The following VTI1A variants were observed in gnomAD, a reference collection of about 807,000 sequenced individuals.
VTI1A encodes the protein vesicle transport through interaction with t-SNAREs 1A, also known as vesicle transport through interaction with t-SNAREs homolog 1A.
Under a neutral mutation model 34.9 loss-of-function variants are expected in VTI1A, and 22 were observed. The ratio of observed to expected loss-of-function variants is 0.63; its 90% CI spans 0.45 to 0.90. The LOEUF (loss-of-function observed/expected upper bound fraction) is 0.90, where lower values mean the gene tolerates loss of function less well. Among genes scored for constraint, VTI1A ranks in the 40% least tolerant of loss-of-function variants. The probability of loss-of-function intolerance (pLI) is 0.00; values close to 1 mark genes in which losing one functional copy is unlikely to be tolerated. For synonymous variants in VTI1A, 87 were observed against 97.3 expected, an observed-to-expected ratio of 0.89 and a Z score of 0.62; for missense variants, 268 against 275.6, an observed-to-expected ratio of 0.97 and a Z score of 0.20.
In VTI1A at chr10:112,464,673, C is replaced by T; in HGVS notation, c.264+16C>T. ...AACAGATTTTGTGAGTCAAATTCGA[C>T]CCTTTGTCATATTTACTTTTTTTTA... is the stretch of plus-strand genomic sequence containing the variant. On this transcript the variant is annotated intron_variant, in intron 3 of 7. Coordinates refer to ENST00000393077, the MANE Select transcript of VTI1A (RefSeq NM_145206.4). 6.2e-7 allele frequency: 1 copy of T among 1,601,482 alleles called. No homozygotes were observed.
At chr10:112,766,966 T>G (rs1419692818) in intron 7 of VTI1A, among the ~76,000 whole-genome samples, 1 of 152,216 alleles carries the variant, frequency 6.6e-6, no homozygotes, top group African/African-American at 2.4e-5. Flanking sequence ...GTAGCAATAG[T>G]ACATTCAGGT....
At chr10:112,618,489 T>TTATATATATATATA (rs1209916722) in intron 5 of VTI1A, among the ~76,000 whole-genome samples, 2 of 74,360 alleles carry the variant, frequency 2.7e-5, no homozygotes, top group Non-Finnish European at 4.3e-5. Flanking sequence ...AATGATTATA[T>TTATATATATATATA]TATATATATA....
chr10:112,677,100 T>A (rs1443181789), intron 7 of VTI1A, among the ~76,000 whole-genome samples: 1 of 152,210 alleles, frequency 6.6e-6, no homozygotes, highest in African/African-American at 2.4e-5. Flanking sequence ...TATGATCTGA[T>A]GTTCTAGACA....
chr10:112,761,881 A>G (rs1206607778), intron 7 of VTI1A, among the ~76,000 whole-genome samples: 1 of 151,966 alleles, frequency 6.6e-6, no homozygotes, highest in Non-Finnish European at 1.5e-5. Flanking sequence ...TGTTCTTGCC[A>G]TAAGAAACTA....
chr10:112,537,173 GTTTT>G (rs1349913995), intron 4 of VTI1A, among the ~76,000 whole-genome samples: 4 of 151,368 alleles, frequency 2.6e-5, no homozygotes, highest in Non-Finnish European at 5.9e-5. Context: ...TTGTGGTTGT[GTTTT>G]TTCTTTCTTT....
At chr10:112,565,165 G>C (rs1396146064) in intron 5 of VTI1A, among the ~76,000 whole-genome samples, 4 of 152,022 alleles carry the variant, frequency 2.6e-5, no homozygotes, top group African/African-American at 9.7e-5. Flanking sequence ...AAAACAGTGG[G>C]CCTCTGTTTA....
chr10:112,679,363 G>A (rs895422724), intron 7 of VTI1A, among the ~76,000 whole-genome samples: 3 of 152,240 alleles, frequency 2.0e-5, no homozygotes, highest in Non-Finnish European at 4.4e-5. Flanking sequence ...ACTCAAAAGC[G>A]TAGTTAAAAT....
At chr10:112,510,643 A>G (rs1200351105) in intron 3 of VTI1A, among the ~76,000 whole-genome samples, 3 of 151,858 alleles carry the variant, frequency 2.0e-5, no homozygotes, top group African/African-American at 7.3e-5. Context: ...CAAAAAAACC[A>G]CCACCACCAC....
intron 5 of VTI1A, among the ~76,000 whole-genome samples, chr10:112,593,737 A>C (rs1273266786): frequency 6.6e-6 from 1 of 151,166 alleles, no homozygotes; most frequent in Non-Finnish European, 1.5e-5. Context: ...TCTTTTTTTT[A>C]TTTTTTTTAT....
intron 5 of VTI1A, among the ~76,000 whole-genome samples, chr10:112,656,881 G>T (rs545166652): frequency 6.6e-6 from 1 of 152,206 alleles, no homozygotes; most frequent in East Asian, 1.9e-4. Flanking sequence ...TGATGGAGGT[G>T]GTTTCTCATG....
the VTI1A span, among the ~76,000 whole-genome samples, chr10:112,850,548 AC>A: frequency 6.6e-6 from 1 of 152,086 alleles, no homozygotes; most frequent in Non-Finnish European, 1.5e-5. Flanking sequence ...TCCTTCCCCA[AC>A]CAGAAGCAGA....
chr10:112,450,228 T>G (rs1847185076), intron 1 of VTI1A: 1 of 152,230 alleles, frequency 6.6e-6, no homozygotes, highest in Non-Finnish European at 1.5e-5. Flanking sequence ...GTTGCCCTCT[T>G]AATAATGACT....
chr10:112,571,499 G>T (rs778870380), intron 5 of VTI1A, among the ~76,000 whole-genome samples: 2 of 152,140 alleles, frequency 1.3e-5, no homozygotes, highest in Non-Finnish European at 2.9e-5. Flanking sequence ...AGATATTGGC[G>T]ATGCTATGGA....
intron 7 of VTI1A, among the ~76,000 whole-genome samples, chr10:112,674,162 C>G (rs1288909737): frequency 6.6e-6 from 1 of 152,124 alleles, no homozygotes; most frequent in African/African-American, 2.4e-5. Context: ...TCTCTGTTCT[C>G]TCATTCCTCT....
At chr10:112,651,168 T>A (rs767181407) in intron 5 of VTI1A, among the ~76,000 whole-genome samples, 9 of 152,210 alleles carry the variant, frequency 5.9e-5, no homozygotes, top group Non-Finnish European at 1.3e-4. Flanking sequence ...AGGGGAGCAT[T>A]CCTGTCTTCA....
chr10:112,697,866 ATGTGTGTGTG>A (rs67142519), intron 7 of VTI1A, among the ~76,000 whole-genome samples: 29 of 134,918 alleles, frequency 2.1e-4, no homozygotes, highest in South Asian at 1.2e-3. Flanking sequence ...TAGCATTTAC[ATGTGTGTGTG>A]TGTGTGTGTG....
intron 7 of VTI1A, among the ~76,000 whole-genome samples, chr10:112,805,667 A>G (rs1003646552): frequency 3.9e-5 from 6 of 152,202 alleles, no homozygotes; most frequent in Non-Finnish European, 7.3e-5. Flanking sequence ...TAAAAGGAGA[A>G]ACTTGAACAC....
At chr10:112,612,242 G>C (rs987546770) in intron 5 of VTI1A, among the ~76,000 whole-genome samples, 1 of 152,120 alleles carries the variant, frequency 6.6e-6, no homozygotes. Context: ...TTGTCCTAGA[G>C]AGGTCTAGAA....
At chr10:112,655,511 C>CA (rs146800090) in intron 5 of VTI1A, among the ~76,000 whole-genome samples, 5,022 of 150,554 alleles carry the variant, frequency 0.033, 168 homozygotes, top group East Asian at 0.11. Context: ...ATTACTAGTA[C>CA]AAAATGAATT....
Sources: gnomAD v4.1 joint callset for allele counts (sites outside exome capture counted in the v4.1 genomes callset) on GRCh38, gnomAD v4.1.1 for gene constraint, MANE v1.5 for transcripts, NCBI Gene and HGNC (gene_info 2026-07-23, HGNC 2026-07-21) for gene names.